The following PDK1 variants were observed in gnomAD, a reference collection of about 807,000 sequenced individuals.
PDK1 encodes pyruvate dehydrogenase kinase 1.
A neutral mutation model predicts 54.2 loss-of-function variants in PDK1; 39 were observed. The ratio of observed to expected loss-of-function variants is 0.72; its 90% CI spans 0.56 to 0.94. The LOEUF (loss-of-function observed/expected upper bound fraction) is 0.94, where lower values mean the gene tolerates loss of function less well. Ranked by LOEUF, PDK1 falls within the 40% of genes least tolerant of loss-of-function variation. The pLI is 0.00. For synonymous variants in PDK1, 221 were observed against 207.1 expected, an observed-to-expected ratio of 1.07 and a Z score of -0.58; for missense variants, 552 against 566.0, an observed-to-expected ratio of 0.98 and a Z score of 0.25.
At chr2:172,659,138 T>C in the PDK1 span, among the ~76,000 whole-genome samples, 6 of 152,190 alleles carry the variant, frequency 3.9e-5, no homozygotes, top group Non-Finnish European at 7.3e-5. Flanking sequence ...CCTACCACTA[T>C]GTGACGTCAC....
At chr2:172,670,265 A>G in the PDK1 span, among the ~76,000 whole-genome samples, 1 of 152,240 alleles carries the variant, frequency 6.6e-6, no homozygotes, top group Non-Finnish European at 1.5e-5. Context: ...AAAGAAAAAT[A>G]ACCATGACCT....
chr2:172,631,929 G>A, the PDK1 span, among the ~76,000 whole-genome samples: 1 of 152,038 alleles, frequency 6.6e-6, no homozygotes, highest in Non-Finnish European at 1.5e-5. Context: ...GCTTTACTTG[G>A]ACTTTAATTT....
the PDK1 span, among the ~76,000 whole-genome samples, chr2:172,678,200 T>C: frequency 6.6e-6 from 1 of 152,034 alleles, no homozygotes; most frequent in Non-Finnish European, 1.5e-5. Context: ...GTCAGAGGGC[T>C]CAACCACAAA....
chr2:172,591,199 G>A (rs1383392617), intron 9 of PDK1, among the ~76,000 whole-genome samples: 12 of 152,156 alleles, frequency 7.9e-5, no homozygotes, highest in Admixed American at 7.9e-4. Flanking sequence ...AAAAATACAG[G>A]GTCCGAAGGT....
chr2:172,568,952 A>T, intron 7 of PDK1, 135 bp downstream of exon 7: 1 of 632,744 alleles, frequency 1.6e-6, no homozygotes, highest in Non-Finnish European at 2.8e-6. Context: ...ACATTGCTGG[A>T]GATCAGCTTT....
At chr2:172,635,073 GT>G in the PDK1 span, among the ~76,000 whole-genome samples, 1 of 151,946 alleles carries the variant, frequency 6.6e-6, no homozygotes, top group African/African-American at 2.4e-5. Flanking sequence ...CACTATATGT[GT>G]TTAAGTCTAC....
chr2:172,613,291 T>C (rs1444927517), downstream of PDK1, among the ~76,000 whole-genome samples: 2 of 152,252 alleles, frequency 1.3e-5, no homozygotes, highest in African/African-American at 4.8e-5. Flanking sequence ...GCACACAGCC[T>C]GAAGGAACTG....
chr2:172,710,985 G>T, the PDK1 span, among the ~76,000 whole-genome samples: 3 of 152,160 alleles, frequency 2.0e-5, no homozygotes, highest in Admixed American at 2.0e-4. Context: ...AAAGCACATT[G>T]GAAGTTATTT....
the PDK1 span, among the ~76,000 whole-genome samples, chr2:172,667,400 G>C: frequency 6.6e-6 from 1 of 152,190 alleles, no homozygotes; most frequent in East Asian, 1.9e-4. Context: ...TGGCCCAGGG[G>C]TGATTAGGAG....
chr2:172,660,247 CTTTTTTTTTTTTTTTTT>C, the PDK1 span, among the ~76,000 whole-genome samples: 1 of 44,218 alleles, frequency 2.3e-5, no homozygotes, highest in African/African-American at 9.7e-5. Flanking sequence ...CTCTCTCTCT[CTTTTTTTTTTTTTTTTT>C]TTTTTTTTTG....
At chr2:172,708,489 A>G in the PDK1 span, among the ~76,000 whole-genome samples, 4 of 152,232 alleles carry the variant, frequency 2.6e-5, no homozygotes, top group Non-Finnish European at 5.9e-5. Context: ...TTAAATCATC[A>G]ACTATTTTAA....
chr2:172,559,537 GT>G (rs1688544429), intron 2 of PDK1, among the ~76,000 whole-genome samples: 1 of 151,946 alleles, frequency 6.6e-6, no homozygotes, highest in African/African-American at 2.4e-5. Flanking sequence ...TTTATTCATT[GT>G]TATTATTTTT....
the PDK1 span, among the ~76,000 whole-genome samples, chr2:172,664,824 A>G: frequency 6.6e-6 from 1 of 152,102 alleles, no homozygotes; most frequent in East Asian, 1.9e-4. Context: ...TTAACTTTTA[A>G]TTTTAGCCTA....
the PDK1 span, among the ~76,000 whole-genome samples, chr2:172,685,705 C>T: frequency 2.0e-5 from 3 of 152,126 alleles, no homozygotes; most frequent in South Asian, 2.1e-4. Context: ...TAAATGCACC[C>T]GATACATGTT....
the PDK1 span, among the ~76,000 whole-genome samples, chr2:172,701,877 G>A: frequency 1.3e-5 from 2 of 152,024 alleles, no homozygotes; most frequent in African/African-American, 4.8e-5. Context: ...TGTTTTAGCT[G>A]AATACACTTT....
intron 2 of PDK1, 55 bp downstream of exon 2, chr2:172,558,904 G>T (rs1042632127): frequency 1.1e-5 from 17 of 1,511,902 alleles, no homozygotes; most frequent in Middle Eastern, 1.9e-4. Flanking sequence ...TTTATTCAAG[G>T]TTACAGCAAA....
intron 8 of PDK1, among the ~76,000 whole-genome samples, chr2:172,571,631 C>T (rs1301668367): frequency 3.3e-5 from 5 of 152,038 alleles, no homozygotes; most frequent in Non-Finnish European, 5.9e-5. Flanking sequence ...CTTGGCCTCC[C>T]AAAGCACTAG....
chr2:172,620,223 G>C, the PDK1 span, among the ~76,000 whole-genome samples: 3 of 152,168 alleles, frequency 2.0e-5, no homozygotes, highest in African/African-American at 4.8e-5. Flanking sequence ...TCAGACAAAG[G>C]CTGTTGAAAT....
At chr2:172,701,616 T>TAAACTAGAGATA in the PDK1 span, among the ~76,000 whole-genome samples, 6 of 149,488 alleles carry the variant, frequency 4.0e-5, no homozygotes, top group East Asian at 1.2e-3. Flanking sequence ...AAAGAGCTGC[T>TAAACTAGAGATA]AACTAGTTTA....
Sources: gnomAD v4.1 joint callset for allele counts (sites outside exome capture counted in the v4.1 genomes callset) on GRCh38, gnomAD v4.1.1 for gene constraint, MANE v1.5 for transcripts, NCBI Gene and HGNC (gene_info 2026-07-23, HGNC 2026-07-21) for gene names.